The following SLC2A5 variants were observed in gnomAD, a reference collection of about 807,000 sequenced individuals.
The protein encoded by SLC2A5 is solute carrier family 2 member 5.
In SLC2A5, 56 loss-of-function variants were observed where a neutral mutation model predicts 50.3. That is an observed-to-expected ratio of 1.11 (90% CI 0.90 to 1.39). The LOEUF is 1.39. Ranked by LOEUF, SLC2A5 falls within the 40% of genes most tolerant of loss-of-function variation. The probability of loss-of-function intolerance (pLI) is 0.00; values close to 1 mark genes in which losing one functional copy is unlikely to be tolerated. For missense variants in SLC2A5, 566 were observed against 650.1 expected (o/e 0.87, Z 1.41); for synonymous variants, 269 against 281.9 (o/e 0.95, Z 0.46).
chr1:9,079,553 T>G (rs1557685367), intron 2 of SLC2A5, among the ~76,000 whole-genome samples: 2 of 152,210 alleles, frequency 1.3e-5, no homozygotes, highest in Non-Finnish European at 2.9e-5. Context: ...TGGCGTGATC[T>G]TGGCTCCCTG....
chr1:9,041,299 G>A (rs969106692), intron 5 of SLC2A5: 4 of 427,770 alleles, frequency 9.4e-6, no homozygotes, highest in African/African-American at 2.0e-5. Flanking sequence ...TGGAGGCAGG[G>A]TCTGGGATGT....
At chr1:9,089,970 C>T (rs1404485071), upstream of SLC2A5, among the ~76,000 whole-genome samples, 2 of 152,072 alleles carry the variant, frequency 1.3e-5, no homozygotes, top group African/African-American at 4.8e-5. Flanking sequence ...GATACTGGGG[C>T]GAGCCTATCA....
chr1:9,061,760 C>T (rs1641950766), intron 1 of SLC2A5, among the ~76,000 whole-genome samples: 1 of 152,146 alleles, frequency 6.6e-6, no homozygotes, highest in Non-Finnish European at 1.5e-5. Context: ...GGGGTTCTGG[C>T]CAGCAGCACA....
chr1:9,080,569 A>G (rs1642340221), intron 2 of SLC2A5, among the ~76,000 whole-genome samples: 1 of 152,110 alleles, frequency 6.6e-6, no homozygotes, highest in South Asian at 2.1e-4. Context: ...TTTGATTTGC[A>G]TTTCCCTAAT....
At chr1:9,091,195 CTCCCATCCCAGACCT>C (rs1642458250), upstream of SLC2A5, among the ~76,000 whole-genome samples, 1 of 152,210 alleles carries the variant, frequency 6.6e-6, no homozygotes, top group African/African-American at 2.4e-5. Flanking sequence ...CAACTACTTA[CTCCCATCCCAGACCT>C]TCTATCATGC....
At chr1:9,058,390 C>G (rs1264019826) in intron 1 of SLC2A5, 140 bp from the exon 2 acceptor site, 1 of 649,310 alleles carries the variant, frequency 1.5e-6, no homozygotes. Flanking sequence ...AACCTACCCT[C>G]AACCCACCTT....
chr1:9,085,568 T>TA (rs1444845797), intron 1 of SLC2A5, among the ~76,000 whole-genome samples: 2 of 152,316 alleles, frequency 1.3e-5, no homozygotes, highest in African/African-American at 4.8e-5. Context: ...TTATCAGCCT[T>TA]AAAGTCTGTG....
intron 9 of SLC2A5, 107 bp downstream of exon 9, chr1:9,038,721 G>A (rs554781981): frequency 4.1e-6 from 6 of 1,449,910 alleles, no homozygotes; most frequent in Non-Finnish European, 5.5e-6. Context: ...TGCTAAAACA[G>A]CTCATTGTGA....
exon 1 of SLC2A5, chr1:9,088,413 GCC>G (rs1642424602): frequency 6.6e-6 from 1 of 152,152 alleles, no homozygotes; most frequent in Non-Finnish European, 1.5e-5. Flanking sequence ...GCTGCAGTTT[GCC>G]AACCACCCCT....
At chr1:9,062,220 G>C (rs564043757) in intron 1 of SLC2A5, among the ~76,000 whole-genome samples, 1 of 152,288 alleles carries the variant, frequency 6.6e-6, no homozygotes, top group Admixed American at 6.5e-5. Context: ...CAATGGTAAA[G>C]ACACACATTA....
intron 3 of SLC2A5, among the ~76,000 whole-genome samples, chr1:9,055,587 C>T (rs1362047043): frequency 4.6e-5 from 7 of 151,994 alleles, no homozygotes; most frequent in African/African-American, 1.7e-4. Flanking sequence ...CAGTGCCTGG[C>T]ACATAGGAAC....
chr1:9,094,173 AC>A, the SLC2A5 span, among the ~76,000 whole-genome samples: 1 of 152,170 alleles, frequency 6.6e-6, no homozygotes, highest in Non-Finnish European at 1.5e-5. Context: ...CCGGTTGACT[AC>A]CAAGTATTGC....
chr1:9,082,728 C>A, intron 2 of SLC2A5: 4 of 342,942 alleles, frequency 1.2e-5, no homozygotes, highest in South Asian at 7.2e-5. Flanking sequence ...TGTTTTTGAA[C>A]CTGCCCAGTT....
intron 1 of SLC2A5, among the ~76,000 whole-genome samples, chr1:9,063,565 G>T (rs1641999820): frequency 6.6e-6 from 1 of 150,582 alleles, no homozygotes; most frequent in Admixed American, 6.7e-5. Flanking sequence ...TAGAGACGGG[G>T]TTTCACCATG....
intron 1 of SLC2A5, 98 bp from the exon 2 acceptor site, chr1:9,058,348 A>T: frequency 1.2e-6 from 1 of 838,318 alleles, no homozygotes; most frequent in Non-Finnish European, 2.0e-6. Context: ...GAATCTGAAG[A>T]TCCATAGTCT....
chr1:9,057,416 T>A (rs1641786307), intron 3 of SLC2A5, 32 bp downstream of exon 3: 8 of 1,570,090 alleles, frequency 5.1e-6, no homozygotes, highest in Non-Finnish European at 7.0e-6. Flanking sequence ...GGTCTATGAG[T>A]TTCAGGGAAT....
chr1:9,038,956 G>C (rs778533186), intron 8 of SLC2A5, 27 bp from the exon 9 acceptor site: 80 of 1,603,032 alleles, frequency 5.0e-5, no homozygotes, highest in Non-Finnish European at 6.6e-5. Flanking sequence ...GGGCTCAGGC[G>C]GGAGAGGCCC....
intron 4 of SLC2A5, among the ~76,000 whole-genome samples, chr1:9,044,111 T>A (rs1641379991): frequency 6.6e-6 from 1 of 151,568 alleles, no homozygotes; most frequent in Non-Finnish European, 1.5e-5. Flanking sequence ...GGTGGATCAC[T>A]TGAGGCCAGG....
upstream of SLC2A5, among the ~76,000 whole-genome samples, chr1:9,070,564 G>A (rs1335287553): frequency 1.3e-5 from 2 of 152,068 alleles, no homozygotes; most frequent in Non-Finnish European, 2.9e-5. Flanking sequence ...CCCCATGTTT[G>A]GCACTCATTC....
Sources: gnomAD v4.1 joint callset for allele counts (sites outside exome capture counted in the v4.1 genomes callset) on GRCh38, gnomAD v4.1.1 for gene constraint, MANE v1.5 for transcripts, NCBI Gene and HGNC (gene_info 2026-07-23, HGNC 2026-07-21) for gene names.